Variants in GRXCR2 observed in about 807,000 individuals in gnomAD.
GRXCR2 encodes the protein glutaredoxin and cysteine rich domain containing 2.
In GRXCR2, 23 loss-of-function variants were observed where a neutral mutation model predicts 24.8. That is an observed-to-expected ratio of 0.93 (90% CI 0.67 to 1.32). The LOEUF (loss-of-function observed/expected upper bound fraction) is 1.32. Ranked by LOEUF, GRXCR2 falls within the 40% of genes most tolerant of loss-of-function variation. GRXCR2 has a pLI of 0.00. For missense variants in GRXCR2, 315 were observed against 303.4 expected, an observed-to-expected ratio of 1.04 and a Z score of -0.28; for synonymous variants, 130 against 116.1, an observed-to-expected ratio of 1.12 and a Z score of -0.77.
chr5:145,888,477 C>T lies in GRXCR2; in HGVS notation c.-69-21749G>A, dbSNP rs577247328. ...CCCCGATCCATTTCAAACCTCTCTGCTAACAACCTGTGCAGGTTACTTGAT... is the reference window on the plus strand; with the variant it reads ...CCCCGATCCATTTCAAACCTCTCTGTTAACAACCTGTGCAGGTTACTTGAT... On this transcript the variant is annotated intron_variant, in intron 2 of 3. Transcript: ENST00000639411. 7.9e-5 allele frequency among the ~76,000 whole-genome samples: 12 copies of T among 152,264 alleles called. No individual in the cohort carries two copies. In the South Asian group the frequency reaches 2.3e-3, roughly 29 times the overall value.
intron 2 of GRXCR2, among the ~76,000 whole-genome samples, chr5:145,902,086 G>A (rs1307815966): frequency 6.6e-6 from 1 of 152,052 alleles, no homozygotes; most frequent in Non-Finnish European, 1.5e-5. Flanking sequence ...CACCATAGCT[G>A]ATATAACCAG....
At chr5:145,860,140 C>A (rs1192738438) in intron 2 of GRXCR2, among the ~76,000 whole-genome samples, 2 of 152,210 alleles carry the variant, frequency 1.3e-5, no homozygotes, top group Non-Finnish European at 2.9e-5. Context: ...TGTGCCACCA[C>A]ACTTTGCATT....
rs573031321 is a variant in GRXCR2 at position 145,911,432 on chromosome 5, GAGA to G, written c.-70+24266_-70+24268del. ...AAAGGCTCTTGCTCTGCCACAGAGGGAGAAGGGGTGAAAGGTACTGAAATGAAA... is the reference window on the plus strand; with the variant it reads ...AAAGGCTCTTGCTCTGCCACAGAGGGAGGGGTGAAAGGTACTGAAATGAAA... On this transcript the variant is annotated intron_variant, in intron 2 of 3. Coordinates refer to the GRXCR2 transcript ENST00000639411. Among the ~76,000 whole-genome samples, 507 of 152,318 alleles carry G rather than the reference GAGA, an allele frequency of 3.3e-3. 5 individuals carry two copies. The highest frequency in any genetic ancestry group is 0.011 in the African/African-American group (474 of 41,574).
At chr5:145,874,182 G>C (rs558045950), upstream of GRXCR2, among the ~76,000 whole-genome samples, 2 of 151,634 alleles carry the variant, frequency 1.3e-5, no homozygotes, top group East Asian at 3.9e-4. Flanking sequence ...CATTCGCTTG[G>C]ATTCTTTTTT....
At chr5:145,921,764 A>G (rs982903031) in intron 2 of GRXCR2, among the ~76,000 whole-genome samples, 28 of 152,206 alleles carry the variant, frequency 1.8e-4, no homozygotes, top group African/African-American at 6.5e-4. Context: ...ATTAACCCAC[A>G]AGCTGTGTAT....
upstream of GRXCR2, among the ~76,000 whole-genome samples, chr5:145,876,216 TACACACACAC>T (rs1216503434): frequency 3.0e-5 from 4 of 133,894 alleles, no homozygotes; most frequent in African/African-American, 1.2e-4. Context: ...TATATATATA[TACACACACAC>T]ACACATACCC....
chr5:145,918,821 T>A (rs894665497), intron 2 of GRXCR2, among the ~76,000 whole-genome samples: 3 of 152,156 alleles, frequency 2.0e-5, no homozygotes, highest in Non-Finnish European at 2.9e-5. Context: ...TACCTTGGCA[T>A]CCCTGTGATA....
At position 145,909,206 on chromosome 5, in the gene GRXCR2, G is replaced by T. The variant is rs184434340; in HGVS notation, c.-70+26495C>A. ...TTGCTATTATATGTAATTCATAACA[G>T]GCTATGAGGCGCGCAGTCATTACTA... On this transcript the variant is annotated intron_variant, in intron 2 of 3. Transcript: ENST00000639411. Among the ~76,000 whole-genome samples, 1,123 of 152,264 alleles carry T rather than the reference G, an allele frequency of 7.4e-3. 3 individuals carry two copies. Among genetic ancestry groups the T allele is most frequent in the Non-Finnish European group, 0.013 (858 of 68,022 alleles).
At chr5:145,870,674 G>A (rs755880820) in intron 1 of GRXCR2, among the ~76,000 whole-genome samples, 1 of 152,196 alleles carries the variant, frequency 6.6e-6, no homozygotes, top group Non-Finnish European at 1.5e-5. Context: ...GAAAAGTCAT[G>A]ACATTAGCTC....
chr5:145,912,896 A>T (rs1300085257), intron 2 of GRXCR2, among the ~76,000 whole-genome samples: 1 of 152,208 alleles, frequency 6.6e-6, no homozygotes, highest in African/African-American at 2.4e-5. Flanking sequence ...TTTTGGATTT[A>T]ATCCACAGTG....
intron 2 of GRXCR2, among the ~76,000 whole-genome samples, chr5:145,893,811 C>G (rs945903660): frequency 2.6e-5 from 4 of 152,182 alleles, no homozygotes; most frequent in Non-Finnish European, 4.4e-5. Flanking sequence ...ACTCTCCACC[C>G]CAAATCAAGA....
chr5:145,863,672 A>T (rs767917100), intron 2 of GRXCR2, among the ~76,000 whole-genome samples: 4 of 152,116 alleles, frequency 2.6e-5, no homozygotes, highest in Admixed American at 6.6e-5. Flanking sequence ...TTTTTTAAAA[A>T]TTTTTTTGTA....
At chr5:145,895,737 C>T (rs1356470954) in intron 2 of GRXCR2, among the ~76,000 whole-genome samples, 1 of 152,166 alleles carries the variant, frequency 6.6e-6, no homozygotes, top group Non-Finnish European at 1.5e-5. Flanking sequence ...ATGCCATCCC[C>T]ATCAAGCTAC....
chr5:145,860,850 A>G (rs1756325502), intron 2 of GRXCR2, among the ~76,000 whole-genome samples: 1 of 152,084 alleles, frequency 6.6e-6, no homozygotes, highest in Non-Finnish European at 1.5e-5. Context: ...GAATATATGT[A>G]ATGCAATATT....
intron 2 of GRXCR2, among the ~76,000 whole-genome samples, chr5:145,892,236 C>T (rs919764518): frequency 6.6e-6 from 1 of 152,180 alleles, no homozygotes; most frequent in African/African-American, 2.4e-5. Context: ...CTCTCCTCCT[C>T]CAAAGGAACG....
At chr5:145,929,605 A>C (rs1040871432) in intron 2 of GRXCR2, among the ~76,000 whole-genome samples, 2 of 152,136 alleles carry the variant, frequency 1.3e-5, no homozygotes, top group Non-Finnish European at 2.9e-5. Context: ...TTTACCAATT[A>C]CTTGGATTTT....
chr5:145,894,311 CAA>C (rs1217072211), intron 2 of GRXCR2, among the ~76,000 whole-genome samples: 1 of 151,646 alleles, frequency 6.6e-6, no homozygotes, highest in East Asian at 1.9e-4. Flanking sequence ...AATAGAGACA[CAA>C]AAACCCTTCA....
chr5:145,886,528 C>G (rs1275653121), intron 2 of GRXCR2, among the ~76,000 whole-genome samples: 5 of 152,216 alleles, frequency 3.3e-5, no homozygotes, highest in African/African-American at 1.2e-4. Context: ...ATTCAAAAAC[C>G]CTGTCCTGGG....
chr5:145,893,273 C>T lies in GRXCR2; in HGVS notation c.-69-26545G>A, dbSNP rs1317591268. Among the ~76,000 whole-genome samples, 32 of 152,146 alleles carry T rather than the reference C, an allele frequency of 2.1e-4. 1 individual carries two copies. Among genetic ancestry groups the T allele is most frequent in the Admixed American group, 1.6e-3 (25 of 15,270 alleles). ...CATCATAATGACAGGATCAGATTCA[C>T]ACATAACAATATTAATCTTAAATGT... On this transcript the variant is annotated intron_variant, in intron 2 of 3. Transcript: ENST00000639411.
Sources: allele counts gnomAD v4.1 joint callset (sites outside exome capture counted in the v4.1 genomes callset), GRCh38; gene constraint gnomAD v4.1.1; transcripts MANE v1.5; gene names NCBI Gene and HGNC (gene_info 2026-07-23, HGNC 2026-07-21).